The following POC1B variants were observed in gnomAD, a reference collection of about 807,000 sequenced individuals.
POC1B encodes the protein POC1 centriolar protein homolog B.
Under a neutral mutation model 60.6 loss-of-function variants are expected in POC1B, and 44 were observed. The observed-to-expected ratio is 0.73, with a 90% CI of 0.57 to 0.93. The LOEUF is 0.93. Ranked by LOEUF, POC1B falls within the 40% of genes least tolerant of loss-of-function variation. The pLI, the probability that POC1B is intolerant of heterozygous loss-of-function variation, is 0.00. For synonymous variants in POC1B, 180 were observed against 198.9 expected (o/e 0.90, Z 0.80); for missense variants, 555 against 572.3 (o/e 0.97, Z 0.31).
intron 2 of POC1B, among the ~76,000 whole-genome samples, chr12:89,519,044 C>G (rs75891801): frequency 6.6e-6 from 1 of 151,906 alleles, no homozygotes; most frequent in African/African-American, 2.4e-5. Flanking sequence ...ATTTATGGAC[C>G]GGGGAAATAT....
intron 11 of POC1B, among the ~76,000 whole-genome samples, chr12:89,421,805 G>A (rs1880546433): frequency 6.6e-6 from 1 of 152,142 alleles, no homozygotes; most frequent in Admixed American, 6.5e-5. Flanking sequence ...TCGTGGAGTT[G>A]TTAGGAGGAT....
chr12:89,517,051 G>T (rs1870475451), intron 2 of POC1B, among the ~76,000 whole-genome samples: 1 of 152,070 alleles, frequency 6.6e-6, no homozygotes, highest in African/African-American at 2.4e-5. Flanking sequence ...ACATGTTTTG[G>T]AGGGCCACCA....
chr12:89,405,988 G>A, the POC1B span, among the ~76,000 whole-genome samples: 2 of 122,378 alleles, frequency 1.6e-5, no homozygotes, highest in Admixed American at 8.2e-5. Flanking sequence ...AGTTTTGAGT[G>A]TTTTTTTTTT....
At chr12:89,412,357 C>CTTT in the POC1B span, among the ~76,000 whole-genome samples, 1,065 of 138,060 alleles carry the variant, frequency 7.7e-3, 21 homozygotes, top group African/African-American at 0.026. Context: ...TTTCTTTTTT[C>CTTT]TTTTTTTTTT....
chr12:89,406,006 G>A, the POC1B span, among the ~76,000 whole-genome samples: 1 of 140,410 alleles, frequency 7.1e-6, no homozygotes, highest in South Asian at 2.2e-4. Context: ...TTTTTTTTTG[G>A]TTGTTGTTTT....
chr12:89,485,360 ATATAT>A (rs1196649811), intron 4 of POC1B: 1 of 152,334 alleles, frequency 6.6e-6, no homozygotes, highest in South Asian at 2.1e-4. Flanking sequence ...AGCCAAGAAG[ATATAT>A]TATAATACAT....
intron 3 of POC1B, among the ~76,000 whole-genome samples, chr12:89,492,614 G>A (rs1869040688): frequency 6.6e-6 from 1 of 152,090 alleles, no homozygotes; most frequent in Non-Finnish European, 1.5e-5. Context: ...GAATTTAGTT[G>A]GCCACAATAT....
chr12:89,523,232 C>A, intron 2 of POC1B: 1 of 1,614,030 alleles, frequency 6.2e-7, no homozygotes, highest in African/African-American at 1.3e-5. Flanking sequence ...CCTGGTCTAT[C>A]CTCTGGAACA....
intron 4 of POC1B, among the ~76,000 whole-genome samples, chr12:89,489,241 C>G (rs1043764411): frequency 6.6e-6 from 1 of 152,200 alleles, no homozygotes; most frequent in African/African-American, 2.4e-5. Flanking sequence ...CATTTGAATA[C>G]TGTAACAACC....
Position 89,497,319 on chromosome 12 carries a change from G to A in POC1B, c.124C>T (p.Leu42Phe), listed in dbSNP as rs141996879. Residue 42 changes from leucine (L) to phenylalanine (F), a missense_variant, in exon 3 of 12, where the codon CTC (leucine) becomes TTC (phenylalanine). Coordinates refer to ENST00000313546, the MANE Select transcript of POC1B (RefSeq NM_172240.3). ...QLATASWDTF[L>F]MLWNFKPHAR... ...TGTGGCTTGAAATTCCATAGCATGA[G>A]AAAGGTATCCCAAGAAGCAGTAGCT... 24 of 1,612,344 alleles carry A rather than the reference G, an allele frequency of 1.5e-5. No homozygotes were observed. The highest frequency in any genetic ancestry group is 2.0e-5 in the Non-Finnish European group (24 of 1,179,876).
chr12:89,482,435 A>G (rs766530983), intron 4 of POC1B, among the ~76,000 whole-genome samples: 15 of 152,180 alleles, frequency 9.9e-5, no homozygotes, highest in Non-Finnish European at 1.8e-4. Flanking sequence ...AAGAACAACA[A>G]TTTTTACAAA....
intron 8 of POC1B, among the ~76,000 whole-genome samples, chr12:89,467,291 T>C (rs1238973217): frequency 6.6e-6 from 1 of 152,136 alleles, no homozygotes; most frequent in African/African-American, 2.4e-5. Context: ...ATATAAATGA[T>C]TTATATTTAC....
At chr12:89,433,805 C>T (rs1455304550) in intron 10 of POC1B, among the ~76,000 whole-genome samples, 2 of 152,166 alleles carry the variant, frequency 1.3e-5, no homozygotes, top group African/African-American at 4.8e-5. Flanking sequence ...TCAGAAGTGA[C>T]TCAGAGTTTT....
Position 89,470,356 on chromosome 12 carries a change from A to G in POC1B, c.810+5T>C. The G allele has an allele frequency of 7.1e-7, 1 of 1,412,884 alleles. No individual in the cohort carries two copies. The highest frequency in any genetic ancestry group is 9.4e-7 in the Non-Finnish European group (1 of 1,061,876). 87.5% of individuals were successfully genotyped at this position (1,412,884 alleles called of 1,614,324 possible). A position where few individuals can be genotyped will look rare whatever the true frequency, so the allele number is the denominator to read the frequency against. Reference sequence around the variant, plus strand: ...TATAAAAAGCAAGAATCTGAGTGTTAATACCGTATGTCCTTGAAGTGTATA... The same window carrying G: ...TATAAAAAGCAAGAATCTGAGTGTTGATACCGTATGTCCTTGAAGTGTATA... On this transcript the variant is annotated splice_donor_5th_base_variant and intron_variant, in intron 7 of 11. Coordinates refer to ENST00000313546, the MANE Select transcript of POC1B (RefSeq NM_172240.3).
At chr12:89,441,437 A>G (rs1016198161) in intron 10 of POC1B, among the ~76,000 whole-genome samples, 1 of 152,162 alleles carries the variant, frequency 6.6e-6, no homozygotes, top group Non-Finnish European at 1.5e-5. Context: ...AGGATCAGGG[A>G]GCAACATTTG....
intron 7 of POC1B, among the ~76,000 whole-genome samples, chr12:89,469,683 T>G (rs1335697253): frequency 6.6e-6 from 1 of 152,012 alleles, no homozygotes; most frequent in Non-Finnish European, 1.5e-5. Context: ...AGGCTGGGTG[T>G]CAGGGCTAAG....
chr12:89,480,201 G>A (rs1374401474), intron 4 of POC1B, among the ~76,000 whole-genome samples: 4 of 150,890 alleles, frequency 2.7e-5, no homozygotes, highest in Admixed American at 6.6e-5. Context: ...CAGTGGCACC[G>A]TCTCAACTTA....
chr12:89,501,680 A>G (rs1592631782), intron 2 of POC1B: 2 of 1,045,682 alleles, frequency 1.9e-6, no homozygotes, highest in East Asian at 4.8e-5. Flanking sequence ...ATTTCCAGGC[A>G]TCCGTCTAAT....
rs1592571684 is a variant in POC1B, at chr12:89,420,372, TCTGA to T, written c.*777_*780del. 2.0e-5 allele frequency: 3 copies of T among 152,310 alleles called. No homozygotes were observed. The highest frequency in any genetic ancestry group is 2.1e-4 in the South Asian group (1 of 4,824). The allele number at this position is 152,310 out of a possible 1,614,324, so 9.4% of individuals were successfully genotyped here. Reference sequence around the variant, plus strand: ...TTTTTAAATATCACTTTTGTATCACTCTGACTTTTTAGCATACTGAAAACACACT... The same window carrying T: ...TTTTTAAATATCACTTTTGTATCACTCTTTTTAGCATACTGAAAACACACT... On this transcript the variant is annotated 3_prime_UTR_variant, in exon 12 of 12. Transcript: ENST00000313546.
Sources: gnomAD v4.1 joint callset for allele counts (sites outside exome capture counted in the v4.1 genomes callset) on GRCh38, gnomAD v4.1.1 for gene constraint, MANE v1.5 for transcripts, NCBI Gene and HGNC (gene_info 2026-07-23, HGNC 2026-07-21) for gene names.